The following LRMDA variants were observed in gnomAD, a reference collection of about 807,000 sequenced individuals.
The protein encoded by LRMDA is leucine-rich melanocyte differentiation-associated protein.
Under a neutral mutation model 29.8 loss-of-function variants are expected in LRMDA, and 18 were observed. The ratio of observed to expected loss-of-function variants is 0.60; its 90% CI spans 0.42 to 0.90. The LOEUF is 0.90. LRMDA is among the 40% of genes least tolerant of loss of function. The pLI is 0.00. For synonymous variants in LRMDA, 125 were observed against 109.4 expected (o/e 1.14, Z -0.89); for missense variants, 273 against 273.9 (o/e 1.00, Z 0.02).
At chr10:76,034,841 T>A (rs1372996118) in intron 2 of LRMDA, among the ~76,000 whole-genome samples, 1 of 152,106 alleles carries the variant, frequency 6.6e-6, no homozygotes, top group Non-Finnish European at 1.5e-5. Context: ...CCCGTCCACA[T>A]CGTAGCTCAG....
Position 76,152,266 on chromosome 10 carries a change from T to A in LRMDA, c.516+93483T>A, listed in dbSNP as rs187810019. 2.0e-5 allele frequency among the ~76,000 whole-genome samples: 3 copies of A among 149,038 alleles called. No individual in the cohort carries two copies. In the East Asian group the frequency reaches 5.8e-4, roughly 29 times the overall value. On this transcript the variant is annotated intron_variant, in intron 5 of 6. Coordinates refer to ENST00000611255, the MANE Select transcript of LRMDA (RefSeq NM_001305581.2). Reference sequence around the variant, plus strand: ...TTGGCATTTTATACAAATGTAGTCATACAACATGTAGCCTTTCATGTCTGG... The same window carrying A: ...TTGGCATTTTATACAAATGTAGTCAAACAACATGTAGCCTTTCATGTCTGG...
chr10:75,594,901 T>C (rs763513882), intron 2 of LRMDA, among the ~76,000 whole-genome samples: 4 of 152,196 alleles, frequency 2.6e-5, no homozygotes, highest in Non-Finnish European at 4.4e-5. Flanking sequence ...TGTTTTTTCC[T>C]ATCCATGCCT....
intron 5 of LRMDA, among the ~76,000 whole-genome samples, chr10:76,206,673 A>G (rs1012024300): frequency 6.6e-6 from 1 of 152,132 alleles, no homozygotes; most frequent in African/African-American, 2.4e-5. Context: ...AAATTTCTGG[A>G]TCCATGAGGC....
At chr10:75,435,300 C>A (rs1400017290) in intron 1 of LRMDA, among the ~76,000 whole-genome samples, 3 of 152,172 alleles carry the variant, frequency 2.0e-5, no homozygotes, top group Admixed American at 1.3e-4. Context: ...GGCCTTGAAT[C>A]TTACATTAGG....
intron 2 of LRMDA, among the ~76,000 whole-genome samples, chr10:75,468,341 C>A (rs1844684195): frequency 6.6e-6 from 1 of 152,042 alleles, no homozygotes. Flanking sequence ...AAAAGAAGGA[C>A]CATTAGGACT....
intron 2 of LRMDA, among the ~76,000 whole-genome samples, chr10:75,554,273 G>T (rs1010477150): frequency 6.6e-6 from 1 of 152,170 alleles, no homozygotes; most frequent in African/African-American, 2.4e-5. Context: ...CTGGTCAGTT[G>T]CAGTGTGTCC....
At chr10:75,840,067 C>G (rs574582803) in intron 2 of LRMDA, among the ~76,000 whole-genome samples, 3 of 152,278 alleles carry the variant, frequency 2.0e-5, no homozygotes, top group South Asian at 4.1e-4. Flanking sequence ...TGGGTAGACA[C>G]TTTTTTTCCC....
intron 6 of LRMDA, among the ~76,000 whole-genome samples, chr10:76,441,042 T>A (rs2132291574): frequency 6.6e-6 from 1 of 152,292 alleles, no homozygotes; most frequent in East Asian, 1.9e-4. Context: ...ATATTCCTTC[T>A]TACTGGTAAA....
intron 2 of LRMDA, among the ~76,000 whole-genome samples, chr10:75,448,897 A>C (rs972552044): frequency 1.3e-5 from 2 of 152,196 alleles, no homozygotes; most frequent in Non-Finnish European, 2.9e-5. Flanking sequence ...CACGCCTATA[A>C]TCCCAGCACT....
At chr10:75,739,694 G>A (rs1298705082) in intron 2 of LRMDA, among the ~76,000 whole-genome samples, 1 of 152,178 alleles carries the variant, frequency 6.6e-6, no homozygotes, top group Admixed American at 6.5e-5. Context: ...GAGAACTGAA[G>A]TATTGAATGT....
intron 4 of LRMDA, among the ~76,000 whole-genome samples, chr10:76,051,284 A>C (rs897844112): frequency 3.3e-5 from 5 of 152,258 alleles, no homozygotes; most frequent in South Asian, 4.1e-4. Context: ...CAGAGATCAA[A>C]GTGACAGAAG....
intron 2 of LRMDA, among the ~76,000 whole-genome samples, chr10:75,816,179 G>A (rs181819293): frequency 3.3e-5 from 5 of 152,094 alleles, no homozygotes; most frequent in Admixed American, 1.3e-4. Context: ...GAAAGTTTTC[G>A]GCTTTCTATC....
At chr10:75,854,272 A>G (rs1012422318) in intron 2 of LRMDA, among the ~76,000 whole-genome samples, 5 of 152,072 alleles carry the variant, frequency 3.3e-5, no homozygotes, top group Admixed American at 2.6e-4. Context: ...AGGTTTCTGG[A>G]TTTTAGAACA....
intron 2 of LRMDA, among the ~76,000 whole-genome samples, chr10:75,927,749 T>A (rs907536282): frequency 3.9e-5 from 6 of 152,208 alleles, no homozygotes; most frequent in Admixed American, 1.3e-4. Context: ...AAAGTAGATT[T>A]GGACTCAGGT....
At chr10:76,164,834 G>C (rs974653219) in intron 5 of LRMDA, among the ~76,000 whole-genome samples, 1 of 152,080 alleles carries the variant, frequency 6.6e-6, no homozygotes, top group Admixed American at 6.5e-5. Flanking sequence ...AAAATTGGAG[G>C]CACCACTCAG....
At chr10:75,516,213 T>C (rs1845286632) in intron 2 of LRMDA, among the ~76,000 whole-genome samples, 1 of 152,234 alleles carries the variant, frequency 6.6e-6, no homozygotes. Context: ...ACTTTGGGTA[T>C]ATACCCAGTA....
intron 6 of LRMDA, among the ~76,000 whole-genome samples, chr10:76,542,871 T>A (rs1413575376): frequency 1.3e-5 from 2 of 152,168 alleles, no homozygotes; most frequent in African/African-American, 2.4e-5. Flanking sequence ...GTTGATTAAT[T>A]TGTTTTTTCC....
At position 75,912,486 on chromosome 10, in the gene LRMDA, G is replaced by A. The variant is rs1276480884; in HGVS notation, c.132-123522G>A. 2.0e-5 allele frequency among the ~76,000 whole-genome samples: 3 copies of A among 152,190 alleles called. No individual in the cohort carries two copies. In the East Asian group the frequency reaches 5.8e-4, roughly 29 times the overall value. On this transcript the variant is annotated intron_variant, in intron 2 of 6. Transcript: ENST00000611255. Reference sequence around the variant, plus strand: ...GGGCTTTGTTAGGAAGTTATGGAAAGGAAGGGCATTCCAGGCTGAGAGAAC... The same window carrying A: ...GGGCTTTGTTAGGAAGTTATGGAAAAGAAGGGCATTCCAGGCTGAGAGAAC...
intron 5 of LRMDA, among the ~76,000 whole-genome samples, chr10:76,160,705 G>A (rs1310900026): frequency 6.6e-6 from 1 of 152,086 alleles, no homozygotes; most frequent in East Asian, 1.9e-4. Flanking sequence ...TCCTTATCCA[G>A]TGCTGTTTAC....
Sources: gnomAD v4.1 joint callset for allele counts (sites outside exome capture counted in the v4.1 genomes callset) on GRCh38, gnomAD v4.1.1 for gene constraint, MANE v1.5 for transcripts, NCBI Gene and HGNC (gene_info 2026-07-23, HGNC 2026-07-21) for gene names.